DLG2: variants seen among roughly 807,000 people sequenced by gnomAD.
DLG2 encodes disks large homolog 2.
In DLG2, 45 loss-of-function variants were observed where a neutral mutation model predicts 132.5. The observed-to-expected ratio is 0.34, with a 90% CI of 0.27 to 0.44. The LOEUF is 0.44. Among genes scored for constraint, DLG2 ranks in the 20% least tolerant of loss-of-function variants. The pLI, the probability that DLG2 is intolerant of heterozygous loss-of-function variation, is 1.00. For missense variants in DLG2, 1,045 were observed against 1,196.9 expected, an observed-to-expected ratio of 0.87 and a Z score of 1.87; for synonymous variants, 424 against 419.6, an observed-to-expected ratio of 1.01 and a Z score of -0.13.
intron 18 of DLG2, among the ~76,000 whole-genome samples, chr11:83,672,162 C>T (rs2076937227): frequency 6.6e-6 from 1 of 151,552 alleles, no homozygotes; most frequent in Non-Finnish European, 1.5e-5. Context: ...CCTTCCCTTC[C>T]TTCCCTTTCT....
At chr11:84,573,257 A>G (rs922371328) in intron 6 of DLG2, among the ~76,000 whole-genome samples, 1 of 152,042 alleles carries the variant, frequency 6.6e-6, no homozygotes, top group South Asian at 2.1e-4. Flanking sequence ...TATTACTAAA[A>G]TGTTAACTAT....
intron 6 of DLG2, among the ~76,000 whole-genome samples, chr11:85,082,695 CCAAA>C (rs1566812086): frequency 6.7e-6 from 1 of 149,122 alleles, no homozygotes. Flanking sequence ...GAGAAAGGAA[CCAAA>C]CAGAGAAACC....
At chr11:83,514,693 A>C in intron 21 of DLG2, among the ~76,000 whole-genome samples, 1 of 152,148 alleles carries the variant, frequency 6.6e-6, no homozygotes, top group Non-Finnish European at 1.5e-5. Context: ...TATTATTTTG[A>C]GATACGGCCC....
intron 6 of DLG2, among the ~76,000 whole-genome samples, chr11:85,005,124 C>T (rs1215392076): frequency 6.6e-6 from 1 of 152,194 alleles, no homozygotes; most frequent in Non-Finnish European, 1.5e-5. Flanking sequence ...GTTTTGGTTA[C>T]TGTAGCCTTG....
intron 18 of DLG2, among the ~76,000 whole-genome samples, chr11:83,768,027 T>A (rs2094215735): frequency 6.6e-6 from 1 of 152,206 alleles, no homozygotes; most frequent in African/African-American, 2.4e-5. Flanking sequence ...GAATATTTAC[T>A]TTCTAGTGGC....
At chr11:83,731,187 G>A (rs1412758035) in intron 18 of DLG2, among the ~76,000 whole-genome samples, 2 of 152,130 alleles carry the variant, frequency 1.3e-5, no homozygotes, top group African/African-American at 4.8e-5. Flanking sequence ...TGCTACATAG[G>A]TATACATGTG....
intron 7 of DLG2, among the ~76,000 whole-genome samples, chr11:84,376,542 T>C (rs986245364): frequency 2.0e-5 from 3 of 152,046 alleles, no homozygotes; most frequent in South Asian, 4.2e-4. Context: ...AAGGTACTTA[T>C]ATTCTAGAAA....
chr11:85,351,098 G>A (rs1224556333), intron 3 of DLG2, among the ~76,000 whole-genome samples: 1 of 152,150 alleles, frequency 6.6e-6, no homozygotes, highest in African/African-American at 2.4e-5. Context: ...GCAGTGGTTT[G>A]TAGTTCTCCT....
intron 18 of DLG2, among the ~76,000 whole-genome samples, chr11:83,633,847 T>G (rs1024415624): frequency 6.6e-6 from 1 of 151,808 alleles, no homozygotes; most frequent in Non-Finnish European, 1.5e-5. Flanking sequence ...TGTGATAATA[T>G]GCAATAGTTT....
rs12800326 is a variant in DLG2 at position 83,753,820 on chromosome 11, A to C, written c.1825+32870T>G. On this transcript the variant is annotated intron_variant, in intron 18 of 27. Transcript: ENST00000376104. ...GATATATCATATATATCATATATAT[A>C]TTTCATATATATATGATATATATCA... Among the ~76,000 whole-genome samples, 8 of 70,008 alleles carry C rather than the reference A, an allele frequency of 1.1e-4. No individual in the cohort carries two copies. In the South Asian group the frequency reaches 2.4e-3, roughly 21 times the overall value. The allele number at this position is 70,008 out of a possible 152,430, so 45.9% of individuals were successfully genotyped here. A position where few individuals can be genotyped will look rare whatever the true frequency, so the allele number is the denominator to read the frequency against.
intron 4 of DLG2, among the ~76,000 whole-genome samples, chr11:85,230,276 T>C (rs1213233623): frequency 6.6e-6 from 1 of 151,948 alleles, no homozygotes; most frequent in Non-Finnish European, 1.5e-5. Flanking sequence ...CAAAGCATTC[T>C]CACATACCCA....
intron 9 of DLG2, among the ~76,000 whole-genome samples, chr11:84,146,902 A>G (rs2095106024): frequency 1.3e-5 from 2 of 151,880 alleles, no homozygotes; most frequent in Non-Finnish European, 2.9e-5. Context: ...TCTCATCTCC[A>G]GTCTCTAGCT....
chr11:84,271,775 A>G (rs1427168211), intron 7 of DLG2, among the ~76,000 whole-genome samples: 1 of 152,126 alleles, frequency 6.6e-6, no homozygotes, highest in Non-Finnish European at 1.5e-5. Flanking sequence ...CCCCAAAAGT[A>G]ACAATATAAT....
At chr11:85,315,787 TTTC>T (rs2152815312) in intron 3 of DLG2, among the ~76,000 whole-genome samples, 1 of 152,100 alleles carries the variant, frequency 6.6e-6, no homozygotes, top group African/African-American at 2.4e-5. Context: ...GGCCACCTTG[TTTC>T]TTATTTCCTC....
chr11:84,540,685 T>C (rs2154522101), intron 6 of DLG2, among the ~76,000 whole-genome samples: 1 of 152,254 alleles, frequency 6.6e-6, no homozygotes, highest in African/African-American at 2.4e-5. Context: ...GCCATCCCAT[T>C]ACTGGGTACA....
At chr11:83,585,050 CA>C (rs1420741590) in intron 19 of DLG2, among the ~76,000 whole-genome samples, 2 of 152,098 alleles carry the variant, frequency 1.3e-5, no homozygotes, top group Non-Finnish European at 2.9e-5. Flanking sequence ...CTCCCTACCT[CA>C]GTAGAGTTTG....
chr11:84,602,363 T>C (rs1454758212), intron 6 of DLG2, among the ~76,000 whole-genome samples: 4 of 151,846 alleles, frequency 2.6e-5, no homozygotes, highest in Admixed American at 2.6e-4. Flanking sequence ...ACTTGCCCAA[T>C]TTCATAAAGG....
intron 3 of DLG2, among the ~76,000 whole-genome samples, chr11:85,550,717 G>A (rs1003353914): frequency 6.6e-6 from 1 of 152,202 alleles, no homozygotes; most frequent in African/African-American, 2.4e-5. Flanking sequence ...GGCTAGTTTG[G>A]GTACGGCATA....
chr11:83,965,538 G>GT, intron 12 of DLG2, 70 bp from the exon 13 acceptor site: 1 of 1,272,304 alleles, frequency 7.9e-7, no homozygotes, highest in Non-Finnish European at 1.1e-6. Context: ...CAGGCAAGAA[G>GT]ATACCTGGAA....
Sources: gnomAD v4.1 joint callset for allele counts (sites outside exome capture counted in the v4.1 genomes callset) on GRCh38, gnomAD v4.1.1 for gene constraint, MANE v1.5 for transcripts, NCBI Gene and HGNC (gene_info 2026-07-23, HGNC 2026-07-21) for gene names.